Variants in ZNF726 observed in about 807,000 individuals in gnomAD.
ZNF726 encodes the protein zinc finger protein 92 pseudogene 3.
In ZNF726, 15 loss-of-function variants were observed where a neutral mutation model predicts 11.6. The observed-to-expected ratio is 1.29, with a 90% CI of 0.86 to 1.99. The LOEUF is 1.99. Among genes scored for constraint, ZNF726 ranks in the 30% most tolerant of loss-of-function variants. The pLI is 0.00. For synonymous variants in ZNF726, 295 were observed against 243.6 expected, an observed-to-expected ratio of 1.21 and a Z score of -1.96; for missense variants, 890 against 725.6, an observed-to-expected ratio of 1.23 and a Z score of -2.60.
chr19:23,920,654 C>A (rs1180639208), intron 3 of ZNF726: 1 of 152,512 alleles, frequency 6.6e-6, no homozygotes, highest in African/African-American at 2.4e-5. Flanking sequence ...CTCAGGTGAT[C>A]CACCCACCTC....
intron 3 of ZNF726, among the ~76,000 whole-genome samples, chr19:23,932,013 T>G (rs766706780): frequency 6.6e-6 from 1 of 152,224 alleles, no homozygotes; most frequent in Non-Finnish European, 1.5e-5. Context: ...GAGTTTGCAA[T>G]TTACTTCTAA....
At position 23,932,374 on chromosome 19, in the gene ZNF726, G is replaced by A. The variant is rs753191825; in HGVS notation, c.258G>A (p.Trp86Ter). ...GICPHFAQDI[W>*]PEQGVEDSFQ... The stretch of plus-strand genomic sequence containing the variant: ...GTCCTCATTTTGCTCAAGACATTTG[G>A]CCAGAGCAGGGCGTGGAAGATTCTT... The change falls in exon 4 of 4, where the codon TGG becomes TGA. Residue 86 changes from tryptophan (W) to a stop codon, truncating the protein, a stop_gained. Coordinates refer to ENST00000594466, the MANE Select transcript of ZNF726 (RefSeq NM_001244038.2). LOFTEE classifies it low-confidence loss of function (END_TRUNC). The A allele has an allele frequency of 6.9e-7, 1 of 1,459,698 alleles. No individual in the cohort carries two copies. The highest frequency in any genetic ancestry group is 1.8e-4 in the Middle Eastern group (1 of 5,458). The allele number at this position is 1,459,698 out of a possible 1,614,324, so 90.4% of individuals were successfully genotyped here. A position where few individuals can be genotyped will look rare whatever the true frequency, so the allele number is the denominator to read the frequency against.
In ZNF726 at chr19:23,920,070, G is replaced by A; in HGVS notation, c.214G>A (p.Asp72Asn). ...GAATATGAAGCGAGATGAGATGGTG[G>A]ATGAACCCCCAGGTAGGTGAGAGTG... Reference protein sequence around the residue: ...PWNMKRDEMVDEPPGICPHFA... With the variant: ...PWNMKRDEMVNEPPGICPHFA... The change falls in exon 3 of 4, where the codon GAT becomes AAT. Residue 72 changes from aspartate (D) to asparagine (N), a missense_variant. Transcript: ENST00000594466. 6.3e-7 allele frequency: 1 copy of A among 1,582,552 alleles called. No individual in the cohort carries two copies. The highest frequency in any genetic ancestry group is 8.6e-7 in the Non-Finnish European group (1 of 1,161,340).
At position 23,934,264 on chromosome 19, in the gene ZNF726, A is replaced by C; in HGVS notation, c.*297A>C. On this transcript the variant is annotated 3_prime_UTR_variant, in exon 4 of 4. Transcript: ENST00000594466. ...GGCAAAGCATATGGTCCACACCCCT[A>C]AGTAGACATAAGAGGATGCACACTG... 3 of 635,260 alleles carry C rather than the reference A, an allele frequency of 4.7e-6. No individual in the cohort carries two copies. The highest frequency in any genetic ancestry group is 9.1e-6 in the Non-Finnish European group (3 of 330,240). The allele number at this position is 635,260 out of a possible 1,614,324, so 39.4% of individuals were successfully genotyped here.
At position 23,933,973 on chromosome 19, in the gene ZNF726, A is replaced by G; in HGVS notation, c.*6A>G. ...ATAAGAGGATTCATACTTGAGAGAA[A>G]CCTTAAAAAGGGTAAAGAATGTGGC... On this transcript the variant is annotated 3_prime_UTR_variant, in exon 4 of 4. Coordinates refer to ENST00000594466, the MANE Select transcript of ZNF726 (RefSeq NM_001244038.2). 1 of 1,577,010 alleles carries G rather than the reference A, an allele frequency of 6.3e-7. No individual in the cohort carries two copies. Among genetic ancestry groups the G allele is most frequent in the Admixed American group, 1.9e-5 (1 of 53,992 alleles).
intron 3 of ZNF726, chr19:23,929,139 T>G (rs1317376117): frequency 2.0e-5 from 3 of 152,186 alleles, no homozygotes; most frequent in African/African-American, 7.2e-5. Context: ...GTTACTACTT[T>G]TATTGTGATT....
At position 23,932,700 on chromosome 19, in the gene ZNF726, A is replaced by G. The variant is rs1360393589; in HGVS notation, c.584A>G (p.Tyr195Cys). Reference sequence around the variant, plus strand: ...CACAAAACCCAGCATAAAAGCATATATACTACAGAGAAGTCCTACAAATGT... The same window carrying G: ...CACAAAACCCAGCATAAAAGCATATGTACTACAGAGAAGTCCTACAAATGT... ...FSHKTQHKSI[Y>C]TTEKSYKCKE... The change falls in exon 4 of 4, where the codon TAT becomes TGT. Residue 195 changes from tyrosine (Y) to cysteine (C), a missense_variant. By Grantham distance (194) the Tyr-to-Cys change is radical (BLOSUM62 -2). Coordinates refer to ENST00000594466, the MANE Select transcript of ZNF726 (RefSeq NM_001244038.2). 6.2e-6 allele frequency: 10 copies of G among 1,603,942 alleles called. No individual in the cohort carries two copies. The highest frequency in any genetic ancestry group is 8.5e-6 in the Non-Finnish European group (10 of 1,177,132).
chr19:23,932,948 A>C lies in ZNF726; in HGVS notation c.832A>C (p.Ile278Leu), dbSNP rs765254106. 1.2e-6 allele frequency: 2 copies of C among 1,611,944 alleles called. No individual in the cohort carries two copies. The highest frequency in any genetic ancestry group is 1.7e-6 in the Non-Finnish European group (2 of 1,179,626). ...QSSTLTIHKRIHTGEKPCKCE... is the reference protein window; with the variant it reads ...QSSTLTIHKRLHTGEKPCKCE... ...CTCAACACTAACCATACATAAGAGGATACATACTGGAGAGAAACCCTGCAA... is the reference window on the plus strand; with the variant it reads ...CTCAACACTAACCATACATAAGAGGCTACATACTGGAGAGAAACCCTGCAA... Residue 278 changes from isoleucine (I) to leucine (L), a missense_variant, in exon 4 of 4, where the codon ATA becomes CTA. Physicochemically the swap from Ile to Leu is conservative, Grantham distance 5. Transcript: ENST00000594466.
chr19:23,920,051 G>T lies in ZNF726; in HGVS notation c.195G>T (p.Met65Ile). 1 of 1,588,294 alleles carries T rather than the reference G, an allele frequency of 6.3e-7. No homozygotes were observed. The highest frequency in any genetic ancestry group is 1.1e-5 in the South Asian group (1 of 90,788). ...AGAAAGAAAAAGAGCCCTGGAATAT[G>T]AAGCGAGATGAGATGGTGGATGAAC... Reference protein sequence around the residue: ...CLEKEKEPWNMKRDEMVDEPP... With the variant: ...CLEKEKEPWNIKRDEMVDEPP... The change falls in exon 3 of 4, where the codon ATG becomes ATT. Residue 65 changes from methionine (M) to isoleucine (I), a missense_variant. Coordinates refer to ENST00000594466, the MANE Select transcript of ZNF726 (RefSeq NM_001244038.2).
At chr19:23,928,178 A>T (rs1968028823) in intron 3 of ZNF726, 1 of 152,184 alleles carries the variant, frequency 6.6e-6, no homozygotes, top group Non-Finnish European at 1.5e-5. Context: ...TTCAATCATG[A>T]CTGTAAGCTT....
intron 3 of ZNF726, chr19:23,929,074 A>G (rs1330147473): frequency 1.3e-5 from 2 of 151,926 alleles, no homozygotes; most frequent in East Asian, 1.9e-4. Flanking sequence ...CTGAGATTAT[A>G]TTTTTTTCTA....
intron 3 of ZNF726, among the ~76,000 whole-genome samples, chr19:23,930,929 A>G (rs1178559719): frequency 6.6e-6 from 1 of 152,178 alleles, no homozygotes. Context: ...TCTATCTTGC[A>G]AAGCTAAATC....
At chr19:23,918,756 A>G (rs1967767067) in intron 1 of ZNF726, among the ~76,000 whole-genome samples, 1 of 150,232 alleles carries the variant, frequency 6.7e-6, no homozygotes, top group African/African-American at 2.4e-5. Flanking sequence ...CTTTGCATTT[A>G]TCTTTTGTTG....
downstream of ZNF726, among the ~76,000 whole-genome samples, chr19:23,936,537 T>A (rs543087676): frequency 6.6e-6 from 1 of 152,090 alleles, no homozygotes; most frequent in African/African-American, 2.4e-5. Context: ...GAGATTCTTT[T>A]TTATTAGGTA....
chr19:23,935,385 GA>G (rs1207217791), downstream of ZNF726: 4 of 525,054 alleles, frequency 7.6e-6, no homozygotes, highest in African/African-American at 3.9e-5. Flanking sequence ...CTACAAATGG[GA>G]AAAAATTGGC....
At chr19:23,943,499 G>A in exon 4 of ZNF726, 1 of 624,654 alleles carries the variant, frequency 1.6e-6, no homozygotes, top group Non-Finnish European at 3.0e-6. Flanking sequence ...AACAGGCCTT[G>A]CTGTCTCTAA....
intron 3 of ZNF726, among the ~76,000 whole-genome samples, chr19:23,941,056 C>G (rs1968330606): frequency 6.6e-6 from 1 of 151,900 alleles, no homozygotes; most frequent in African/African-American, 2.4e-5. Flanking sequence ...TTTCTTTTTT[C>G]TGTTCTCAGA....
At position 23,915,100 on chromosome 19, in the gene ZNF726, C is replaced by T; in HGVS notation, c.3+103C>T. The T allele has an allele frequency of 2.6e-6, 4 of 1,557,506 alleles. No individual in the cohort carries two copies. The South Asian group carries it at 4.5e-5, about 17-fold the overall frequency. On this transcript the variant is annotated intron_variant, in intron 1 of 3. Coordinates refer to ENST00000594466, the MANE Select transcript of ZNF726 (RefSeq NM_001244038.2). The stretch of plus-strand genomic sequence containing the variant: ...TCAGGCCTCCTCGCTGTCAGTTTTA[C>T]AATCTGCGCCCGAGTTGTTGCCCAG...
intron 3 of ZNF726, chr19:23,927,960 A>T (rs1474531635): frequency 6.6e-6 from 1 of 152,134 alleles, no homozygotes; most frequent in Non-Finnish European, 1.5e-5. Flanking sequence ...ATTAAATGCA[A>T]TTTTTAATGT....
Sources: gnomAD v4.1 joint callset for allele counts (sites outside exome capture counted in the v4.1 genomes callset) on GRCh38, gnomAD v4.1.1 for gene constraint, MANE v1.5 for transcripts, NCBI Gene and HGNC (gene_info 2026-07-23, HGNC 2026-07-21) for gene names.